Variants in NIBAN3 observed in about 807,000 individuals in gnomAD.
NIBAN3 encodes the protein protein Niban 3.
In NIBAN3, 66 loss-of-function variants were observed where a neutral mutation model predicts 76.4. The ratio of observed to expected loss-of-function variants is 0.86; its 90% CI spans 0.71 to 1.06. The LOEUF (loss-of-function observed/expected upper bound fraction) is 1.06. NIBAN3 is among the 50% of genes least tolerant of loss of function. The pLI is 0.00. For synonymous variants in NIBAN3, 360 were observed against 355.2 expected, an observed-to-expected ratio of 1.01 and a Z score of -0.15; for missense variants, 808 against 810.7, an observed-to-expected ratio of 1.00 and a Z score of 0.04.
rs2144751154 is a variant in NIBAN3 at position 17,543,754 on chromosome 19, AG to A, written c.1554+125del. 4.2e-6 allele frequency: 3 copies of A among 722,278 alleles called. No homozygotes were observed. The South Asian group carries it at 5.5e-5, about 13-fold the overall frequency. 44.7% of individuals were successfully genotyped at this position (722,278 alleles called of 1,614,324 possible). On this transcript the variant is annotated intron_variant, in intron 12 of 14. Coordinates refer to ENST00000599164, the MANE Select transcript of NIBAN3 (RefSeq NM_001321827.2). ...ATGCCTGTAATCCCAGCAATTTGGGAGGCCAAGGCAGGCAGATCACAAGGTC... is the reference window on the plus strand; with the variant it reads ...ATGCCTGTAATCCCAGCAATTTGGGAGCCAAGGCAGGCAGATCACAAGGTC...
intron 5 of NIBAN3, 59 bp downstream of exon 5, chr19:17,537,602 A>G: frequency 6.8e-7 from 1 of 1,479,566 alleles, no homozygotes; most frequent in Non-Finnish European, 9.0e-7. Flanking sequence ...CAGATGGCTC[A>G]GCCTCTGTTG....
At chr19:17,540,616 G>A in intron 9 of NIBAN3, 34 bp downstream of exon 9, 1 of 1,378,506 alleles carries the variant, frequency 7.3e-7, no homozygotes, top group Non-Finnish European at 9.5e-7. Context: ...CAGTGAGCCA[G>A]AGGGTGATGT....
At chr19:17,530,133 G>A (rs973441031) in intron 1 of NIBAN3, among the ~76,000 whole-genome samples, 5 of 151,764 alleles carry the variant, frequency 3.3e-5, no homozygotes, top group Admixed American at 1.3e-4. Context: ...GCAACATGGC[G>A]AAACCTCGTC....
At chr19:17,549,227 A>G (rs530633316) in intron 13 of NIBAN3, among the ~76,000 whole-genome samples, 1 of 152,270 alleles carries the variant, frequency 6.6e-6, no homozygotes, top group African/African-American at 2.4e-5. Flanking sequence ...CTAGAGCAGC[A>G]TGTTGGGAGG....
upstream of NIBAN3, among the ~76,000 whole-genome samples, chr19:17,525,892 G>A (rs1172812603): frequency 1.3e-5 from 2 of 152,114 alleles, no homozygotes; most frequent in East Asian, 3.8e-4. Flanking sequence ...CTGAGGTCAG[G>A]AGTTTGAGGC....
intron 4 of NIBAN3, among the ~76,000 whole-genome samples, chr19:17,534,397 C>T (rs370606711): frequency 1.3e-5 from 2 of 152,098 alleles, no homozygotes; most frequent in East Asian, 1.9e-4. Context: ...GCCTGTAATC[C>T]GAGCACTTTG....
chr19:17,548,651 C>T (rs748188639), intron 13 of NIBAN3, among the ~76,000 whole-genome samples: 22 of 152,276 alleles, frequency 1.4e-4, no homozygotes, highest in Non-Finnish European at 3.1e-4. Flanking sequence ...AGCAGCCAGG[C>T]ACTGTGGCTC....
chr19:17,548,544 G>T (rs913022125), intron 13 of NIBAN3, among the ~76,000 whole-genome samples: 1 of 152,090 alleles, frequency 6.6e-6, no homozygotes, highest in African/African-American at 2.4e-5. Flanking sequence ...AAGGAGAGGG[G>T]TTCCACAAGC....
intron 2 of NIBAN3, 145 bp from the exon 3 acceptor site, chr19:17,532,118 C>T: frequency 8.8e-7 from 1 of 1,135,326 alleles, no homozygotes; most frequent in Non-Finnish European, 1.2e-6. Context: ...ACACAGAGCC[C>T]CTTCCTGCCT....
Position 17,539,201 on chromosome 19 carries a change from G to C in NIBAN3, c.647G>C (p.Arg216Pro), listed in dbSNP as rs1270559840. Residue 216 changes from arginine to proline, a missense_variant, in exon 6 of 15, where the codon CGA becomes CCA. Coordinates refer to ENST00000599164, the MANE Select transcript of NIBAN3 (RefSeq NM_001321827.2). ...PAARAFLDAVRLYRQHQGHFG... is the reference protein window; with the variant it reads ...PAARAFLDAVPLYRQHQGHFG... ...GCCCGGGCCTTCCTGGACGCCGTCC[G>C]ACTCTACCGGCAGCACCAAGGCCAC... The C allele has an allele frequency of 6.2e-7, 1 of 1,608,092 alleles. No homozygotes were observed. Among genetic ancestry groups the C allele is most frequent in the Admixed American group, 1.7e-5 (1 of 59,438 alleles).
chr19:17,540,316 C>G (rs962479117), intron 8 of NIBAN3, 76 bp from the exon 9 acceptor site: 1 of 1,127,298 alleles, frequency 8.9e-7, no homozygotes, highest in Non-Finnish European at 1.2e-6. Flanking sequence ...GCGTCCCCCT[C>G]GCGAGGGCCC....
In NIBAN3 at chr19:17,543,450, C is replaced by T. The variant is rs375915215; in HGVS notation, c.1446+17C>T. 2.7e-5 allele frequency: 43 copies of T among 1,610,316 alleles called. No individual in the cohort carries two copies. The highest frequency in any genetic ancestry group is 3.3e-4 in the Middle Eastern group (2 of 6,072). ...GTGCTGAAGGTGTGTTCTGTGGGTACGGGGTGGCATGGGGTGGCAGTGGGC... is the reference window on the plus strand; with the variant it reads ...GTGCTGAAGGTGTGTTCTGTGGGTATGGGGTGGCATGGGGTGGCAGTGGGC... On this transcript the variant is annotated intron_variant, in intron 11 of 14. Transcript: ENST00000599164.
rs748721594 is a variant in NIBAN3, at chr19:17,539,171, C to T, written c.617C>T (p.Pro206Leu). The T allele has an allele frequency of 3.1e-6, 5 of 1,598,742 alleles. No individual in the cohort carries two copies. The highest frequency in any genetic ancestry group is 4.3e-6 in the Non-Finnish European group (5 of 1,173,356). Residue 206 changes from proline to leucine, a missense_variant, in exon 6 of 15, where the codon CCT (proline) becomes CTT (leucine). Coordinates refer to ENST00000599164, the MANE Select transcript of NIBAN3 (RefSeq NM_001321827.2). Reference sequence around the variant, plus strand: ...TCAGTCCTGCAGCGAAGCCAGGCCCCTGCTGCCCGGGCCTTCCTGGACGCC... The same window carrying T: ...TCAGTCCTGCAGCGAAGCCAGGCCCTTGCTGCCCGGGCCTTCCTGGACGCC... Reference protein sequence around the residue: ...QGIVLQRSQAPAARAFLDAVR... With the variant: ...QGIVLQRSQALAARAFLDAVR...
At position 17,543,599 on chromosome 19, in the gene NIBAN3, G is replaced by A. The variant is rs748999563; in HGVS notation, c.1522G>A (p.Val508Met). 1.2e-6 allele frequency: 2 copies of A among 1,614,050 alleles called. No individual in the cohort carries two copies. The highest frequency in any genetic ancestry group is 2.2e-5 in the East Asian group (1 of 44,882). ...GWGLCIFLPF[V>M]LSQLEPGCKK... ...GGGTCTCTGCATCTTTTTACCTTTT[G>A]TGCTGAGCCAACTCGAGCCAGGCTG... Residue 508 changes from valine to methionine, a missense_variant, in exon 12 of 15, where the codon GTG (valine) becomes ATG (methionine). By Grantham distance (21) the Val-to-Met change is conservative. Transcript: ENST00000599164.
At chr19:17,533,923 C>T (rs867638811) in intron 4 of NIBAN3, among the ~76,000 whole-genome samples, 2 of 152,270 alleles carry the variant, frequency 1.3e-5, no homozygotes, top group South Asian at 2.1e-4. Context: ...AGCGTTGCTA[C>T]GGGTGAGCAT....
intron 9 of NIBAN3, 73 bp downstream of exon 9, chr19:17,540,655 C>A: frequency 8.6e-7 from 1 of 1,160,276 alleles, no homozygotes; most frequent in Non-Finnish European, 1.1e-6. Flanking sequence ...TGTGGAGAAT[C>A]TTCACTGAAT....
intron 5 of NIBAN3, 34 bp downstream of exon 5, chr19:17,537,577 C>T: frequency 6.5e-7 from 1 of 1,534,118 alleles, no homozygotes; most frequent in Non-Finnish European, 8.7e-7. Context: ...ATTTGTGGGG[C>T]TAATGGTCTG....
chr19:17,547,348 G>T (rs1457534174), intron 13 of NIBAN3, among the ~76,000 whole-genome samples: 6 of 52,128 alleles, frequency 1.2e-4, no homozygotes, highest in Admixed American at 3.0e-4. Flanking sequence ...ACGAGACTAT[G>T]TCTTTTTTTT....
intron 9 of NIBAN3, 94 bp downstream of exon 9, chr19:17,540,676 C>A: frequency 1.0e-6 from 1 of 988,254 alleles, no homozygotes; most frequent in Non-Finnish European, 1.4e-6. Context: ...TTGTTCTAGG[C>A]TGCTTTTTAC....
Sources: gnomAD v4.1 joint callset for allele counts (sites outside exome capture counted in the v4.1 genomes callset) on GRCh38, gnomAD v4.1.1 for gene constraint, MANE v1.5 for transcripts, NCBI Gene and HGNC (gene_info 2026-07-23, HGNC 2026-07-21) for gene names.